The following GPR179 variants were observed in gnomAD, a reference collection of about 807,000 sequenced individuals.
The protein encoded by GPR179 is probable G protein-coupled receptor 179.
A neutral mutation model predicts 70.8 loss-of-function variants in GPR179; 52 were observed. That is an observed-to-expected ratio of 0.73 (90% CI 0.59 to 0.93). The LOEUF (loss-of-function observed/expected upper bound fraction) is 0.93. GPR179 is among the 40% of genes least tolerant of loss of function. The pLI, the probability that GPR179 is intolerant of heterozygous loss-of-function variation, is 0.00. For missense variants in GPR179, 2,734 were observed against 2,966.8 expected, an observed-to-expected ratio of 0.92 and a Z score of 1.82; for synonymous variants, 1,123 against 1,169.0, an observed-to-expected ratio of 0.96 and a Z score of 0.80.
Position 38,343,911 on chromosome 17 carries a change from C to A in GPR179, c.-122G>T. 1 of 794,336 alleles carries A rather than the reference C, an allele frequency of 1.3e-6. No homozygotes were observed. 49.2% of individuals were successfully genotyped at this position (794,336 alleles called of 1,614,324 possible). On this transcript the variant is annotated 5_prime_UTR_variant, in exon 1 of 11. Transcript: ENST00000616987. The surrounding 1 kb of genome is among the most constrained non-coding windows in gnomAD (Gnocchi z 4.2). ...TGCTGGCGTTCCTTCTTCCTCTCTC[C>A]GTCTCCCTCTCACGCTGGTGCCAGC...
In GPR179 at chr17:38,329,340, C is replaced by T. The variant is rs1333458795; in HGVS notation, c.4229G>A (p.Arg1410Lys). The change falls in exon 11 of 11, where the codon AGG becomes AAG. Residue 1410 changes from arginine to lysine, a missense_variant. By Grantham distance (26) the Arg-to-Lys change is conservative. Transcript: ENST00000616987. The part of the protein sequence containing the change: ...KDLPQEKQKT[R>K]KATFWKEQKP... ...CTGTTCTTTCCAAAAGGTTGCTTTC[C>T]TGGTTTTCTGCTTTTCCTGAGGGAG... 6.2e-7 allele frequency: 1 copy of T among 1,613,294 alleles called. No homozygotes were observed. The highest frequency in any genetic ancestry group is 2.2e-5 in the East Asian group (1 of 44,862).
intron 10 of GPR179, among the ~76,000 whole-genome samples, chr17:38,333,029 G>A (rs990146262): frequency 1.3e-5 from 2 of 152,246 alleles, no homozygotes; most frequent in Admixed American, 6.5e-5. Flanking sequence ...CTGAGCCTCC[G>A]GGATCTGGTT....
Position 38,343,111 on chromosome 17 carries a change from C to A in GPR179, c.679G>T (p.Val227Leu), listed in dbSNP as rs1435287409. ...ADGYVGDTQQ[V>L]RLSPPFLECQ... ...TCCAGGAAAGGAGGAGACAGCCTCACCTGCTGCGTGTCCCCCACATATCCA... is the reference window on the plus strand; with the variant it reads ...TCCAGGAAAGGAGGAGACAGCCTCAACTGCTGCGTGTCCCCCACATATCCA... The change falls in exon 1 of 11, where the codon GTG (valine) becomes TTG (leucine). Residue 227 changes from valine (V) to leucine (L), a missense_variant. Transcript: ENST00000616987. This position sits in a 1 kb window ranked among gnomAD's most constrained non-coding sequence, Gnocchi z 4.2. The A allele has an allele frequency of 1.9e-6, 3 of 1,614,226 alleles. No individual in the cohort carries two copies. The highest frequency in any genetic ancestry group is 2.2e-5 in the South Asian group (2 of 91,086).
chr17:38,333,162 G>C, intron 10 of GPR179, 89 bp downstream of exon 10: 5 of 1,195,246 alleles, frequency 4.2e-6, no homozygotes, highest in Non-Finnish European at 6.0e-6. Flanking sequence ...ACTTGCAGTG[G>C]CACATAGCCC....
rs1270647881 is a variant in GPR179 at position 38,335,791 on chromosome 17, CCCT to C, written c.1297-94_1297-92del. On this transcript the variant is annotated intron_variant, in intron 5 of 10. Coordinates refer to ENST00000616987, the MANE Select transcript of GPR179 (RefSeq NM_001004334.4). ...AGCACACTGTGGATCCTCCCAACAG[CCCT>C]GCAATAGAGCCATCACCACCTTCAT... The C allele has an allele frequency of 8.5e-6, 7 of 827,766 alleles. No individual in the cohort carries two copies. In the African/African-American group the frequency reaches 1.2e-4, roughly 14 times the overall value. 51.3% of individuals were successfully genotyped at this position (827,766 alleles called of 1,614,324 possible).
Position 38,337,056 on chromosome 17 carries a change from A to G in GPR179, c.1149T>C (p.Ala383=), listed in dbSNP as rs370746713. The change falls in exon 4 of 11, where the codon GCT becomes GCC. Residue 383 remains alanine (A), a synonymous_variant. Transcript: ENST00000616987. ...TGCAGCAGGCCTGGCAGGCCAGCAC[A>G]GCGGCCCGCAGCACCGCGGCCTCTT... ...LVEEAAVLRA[A]VLACQACCML... is the part of the protein sequence containing the mutation. The G allele has an allele frequency of 2.5e-6, 4 of 1,608,370 alleles. No homozygotes were observed. Among genetic ancestry groups the G allele is most frequent in the Non-Finnish European group, 3.4e-6 (4 of 1,178,278 alleles).
At chr17:38,332,825 T>C (rs879713379) in intron 10 of GPR179, among the ~76,000 whole-genome samples, 1 of 152,250 alleles carries the variant, frequency 6.6e-6, no homozygotes, top group South Asian at 2.1e-4. Context: ...GCCAGGCTGG[T>C]CAAACTCCTG....
At position 38,333,266 on chromosome 17, in the gene GPR179, G is replaced by A. The variant is rs79623844; in HGVS notation, c.2022C>T (p.Asp674=). Residue 674 remains aspartate (D), a synonymous_variant, in exon 10 of 11, where the codon GAC becomes GAT. Coordinates refer to ENST00000616987, the MANE Select transcript of GPR179 (RefSeq NM_001004334.4). The stretch of plus-strand genomic sequence containing the variant: ...TGGCACATACCCGAATGTCTCCAGG[G>A]TCCAGGCTGTGCTCACTCCAGGCTG... ...IASAWSEHSL[D]PGDIRDELKK... is the part of the protein sequence containing the mutation. 5.1e-4 allele frequency: 821 copies of A among 1,614,018 alleles called. 11 individuals carry two copies. In the East Asian group the frequency reaches 0.016, roughly 32 times the overall value.
At chr17:38,339,549 G>A in intron 1 of GPR179, 24 bp from the exon 2 acceptor site, 1 of 1,540,252 alleles carries the variant, frequency 6.5e-7, no homozygotes, top group Middle Eastern at 1.7e-4. Flanking sequence ...TTGGCAATTA[G>A]GGGCACAGTG....
At chr17:38,333,858 G>T in intron 9 of GPR179, 75 bp downstream of exon 9, 1 of 1,170,406 alleles carries the variant, frequency 8.5e-7, no homozygotes, top group Non-Finnish European at 1.2e-6. Context: ...AGAGGGCGCT[G>T]CGGGACAACC....
Position 38,326,502 on chromosome 17 carries a change from A to G in GPR179, c.7067T>C (p.Phe2356Ser), listed in dbSNP as rs1179522181. ...QVAFEAQYEE[F>S]TPPTVYPWDW... is the part of the protein sequence containing the mutation. ...CCAAGGATAGACAGTGGGAGGGGTG[A>G]ATTCTTCATACTGAGCTTCAAAAGC... Residue 2356 changes from phenylalanine to serine, a missense_variant, in exon 11 of 11, where the codon TTC (phenylalanine) becomes TCC (serine). By Grantham distance (155) the Phe-to-Ser change is radical. Transcript: ENST00000616987. The G allele has an allele frequency of 6.2e-7, 1 of 1,612,656 alleles. No homozygotes were observed. The highest frequency in any genetic ancestry group is 1.7e-5 in the Admixed American group (1 of 59,942).
chr17:38,337,532 C>T, intron 3 of GPR179, 101 bp downstream of exon 3: 1 of 1,047,714 alleles, frequency 9.5e-7, no homozygotes, highest in East Asian at 2.4e-5. Flanking sequence ...CACAAGTTCC[C>T]TCCCAGTGTC....
Position 38,337,632 on chromosome 17 carries a change from C to G in GPR179, c.991+1G>C. ...GCCTGGCCCCCACCACACTTACATA[C>G]CCCCAGAGGGGCTTGCCCCGTAGAA... On this transcript the variant is annotated splice_donor_variant, in intron 3 of 10. Coordinates refer to ENST00000616987, the MANE Select transcript of GPR179 (RefSeq NM_001004334.4). LOFTEE classifies it high-confidence loss of function. The G allele has an allele frequency of 6.2e-7, 1 of 1,607,392 alleles. No homozygotes were observed. The highest frequency in any genetic ancestry group is 8.5e-7 in the Non-Finnish European group (1 of 1,176,942).
rs2037382905 is a variant in GPR179 at position 38,334,095 on chromosome 17, T to C, written c.1785-57A>G. On this transcript the variant is annotated intron_variant, in intron 8 of 10. Coordinates refer to ENST00000616987, the MANE Select transcript of GPR179 (RefSeq NM_001004334.4). The surrounding 1 kb of genome is among the most constrained non-coding windows in gnomAD (Gnocchi z 4.7). ...GCAGGCAGGAGTTGCCTCTTCTGCT[T>C]TGCCTTCTCACTGGCGTTTCACCTC... The C allele has an allele frequency of 3.2e-6, 4 of 1,256,032 alleles. No homozygotes were observed. The South Asian group carries it at 4.8e-5, about 15-fold the overall frequency. 77.8% of individuals were successfully genotyped at this position (1,256,032 alleles called of 1,614,324 possible). A position where few individuals can be genotyped will look rare whatever the true frequency, so the allele number is the denominator to read the frequency against.
At chr17:38,340,071 T>C (rs1392787183) in intron 1 of GPR179, among the ~76,000 whole-genome samples, 1 of 152,244 alleles carries the variant, frequency 6.6e-6, no homozygotes, top group African/African-American at 2.4e-5. Flanking sequence ...CAATCACAGT[T>C]CTACAGGGCT....
chr17:38,342,941 A>T, intron 1 of GPR179, 55 bp downstream of exon 1: 1 of 1,508,276 alleles, frequency 6.6e-7, no homozygotes. Context: ...GGGGACCTGT[A>T]CTTCCTTCCC....
rs1442773137 is a variant in GPR179 at position 38,334,589 on chromosome 17, G to A, written c.1784+115C>T. ...GCCAGAAGTGGGGGCCTTCGTCAAC[G>A]TGCTGAGGCGTAGCAGTGTTGCCAG... On this transcript the variant is annotated intron_variant, in intron 8 of 10. Coordinates refer to ENST00000616987, the MANE Select transcript of GPR179 (RefSeq NM_001004334.4). The surrounding 1 kb of genome is among the most constrained non-coding windows in gnomAD (Gnocchi z 4.7). 1.3e-5 allele frequency: 15 copies of A among 1,148,188 alleles called. No homozygotes were observed. Among genetic ancestry groups the A allele is most frequent in the South Asian group, 5.5e-5 (4 of 72,408 alleles). 71.1% of individuals were successfully genotyped at this position (1,148,188 alleles called of 1,614,324 possible).
In GPR179 at chr17:38,334,705, TGGCTGTGTGGAA is replaced by T; in HGVS notation, c.1771_1782del (p.Phe591_Ala594del). ...GTGGGGAGGTGAGTCCGTCCTCACC[TGGCTGTGTGGAA>T]GGCAGCGGAAAGCAGTAGCTCATTG... On this transcript the variant is annotated inframe_deletion and splice_region_variant, in exon 8 of 11. Coordinates refer to ENST00000616987, the MANE Select transcript of GPR179 (RefSeq NM_001004334.4). The surrounding 1 kb of genome is among the most constrained non-coding windows in gnomAD (Gnocchi z 4.7). The T allele has an allele frequency of 6.2e-7, 1 of 1,612,634 alleles. No homozygotes were observed. The highest frequency in any genetic ancestry group is 8.5e-7 in the Non-Finnish European group (1 of 1,179,162).
rs868516230 is a variant in GPR179, at chr17:38,328,978, G to A, written c.4591C>T (p.Gln1531Ter). Residue 1531 changes from glutamine to a stop codon, truncating the protein, a stop_gained, in exon 11 of 11, where the codon CAG becomes TAG. Coordinates refer to ENST00000616987, the MANE Select transcript of GPR179 (RefSeq NM_001004334.4). LOFTEE classifies it low-confidence loss of function (END_TRUNC). ...TCCCTGGGACAAACTGACTCCTGCT[G>A]TTGACTTAATTTCTGCACTGCTTTC... is the stretch of plus-strand genomic sequence containing the variant. Reference protein sequence around the residue: ...TVKAVQKLSQQQESVCPREST... With the variant: ...TVKAVQKLSQ The A allele has an allele frequency of 5.0e-6, 8 of 1,614,056 alleles. No homozygotes were observed. The African/African-American group carries it at 8.0e-5, about 16-fold the overall frequency.
Sources: allele counts gnomAD v4.1 joint callset (sites outside exome capture counted in the v4.1 genomes callset), GRCh38; gene constraint gnomAD v4.1.1; non-coding constraint Gnocchi (gnomAD v3.1); transcripts MANE v1.5; gene names NCBI Gene and HGNC (gene_info 2026-07-23, HGNC 2026-07-21).